CCDC74A: variants seen among roughly 807,000 people sequenced by gnomAD.
CCDC74A encodes the protein coiled-coil domain-containing protein 74A.
In CCDC74A, 38 loss-of-function variants were observed where a neutral mutation model predicts 37.6. That is an observed-to-expected ratio of 1.01 (90% CI 0.78 to 1.33). The LOEUF is 1.33. Ranked by LOEUF, CCDC74A falls within the 40% of genes most tolerant of loss-of-function variation. The pLI, the probability that CCDC74A is intolerant of heterozygous loss-of-function variation, is 0.00. For synonymous variants in CCDC74A, 134 were observed against 165.2 expected (o/e 0.81, Z 1.45); for missense variants, 340 against 403.4 (o/e 0.84, Z 1.35).
chr2:131,532,022 C>A (rs1276857257), intron 4 of CCDC74A, among the ~76,000 whole-genome samples: 2 of 150,330 alleles, frequency 1.3e-5, no homozygotes, highest in Non-Finnish European at 3.0e-5. Context: ...GGGGGTCCTG[C>A]AGAGTACCTG....
In CCDC74A at chr2:131,531,414, G is replaced by C. The variant is rs376303287; in HGVS notation, c.347-250G>C. Among the ~76,000 whole-genome samples, 132 of 151,548 alleles carry C rather than the reference G, an allele frequency of 8.7e-4. 1 individual carries two copies. In the East Asian group the frequency reaches 0.024, roughly 27 times the overall value. On this transcript the variant is annotated intron_variant, in intron 3 of 7. Transcript: ENST00000409856. Reference sequence around the variant, plus strand: ...TCTCATGCAGTTTCATTTTACCCAAGATGGGGCCAGCTTCCACTATGTTGA... The same window carrying C: ...TCTCATGCAGTTTCATTTTACCCAACATGGGGCCAGCTTCCACTATGTTGA...
In CCDC74A at chr2:131,532,925, C is replaced by G. The variant is rs368395160; in HGVS notation, c.740C>G (p.Ala247Gly). The G allele has an allele frequency of 1.2e-6, 2 of 1,613,728 alleles. No individual in the cohort carries two copies. Among genetic ancestry groups the G allele is most frequent in the Non-Finnish European group, 8.5e-7 (1 of 1,179,730 alleles). Residue 247 changes from alanine to glycine, a missense_variant, in exon 6 of 8, where the codon GCT (alanine) becomes GGT (glycine). Ala to Gly is a moderately conservative substitution (Grantham distance 60). This residue lies in a region of CCDC74A where 185 missense variants were observed against 231.5 expected (regional missense o/e 0.80). Coordinates refer to ENST00000409856, the MANE Select transcript of CCDC74A (RefSeq NM_001258306.3). ...SQRPQAAPEEASFPRDQEATH... is the reference protein window; with the variant it reads ...SQRPQAAPEEGSFPRDQEATH... ...AGGCCCCAGGCAGCCCCGGAGGAAGCTAGCTTTCCCAGGTGAGTGCCTGGT... is the reference window on the plus strand; with the variant it reads ...AGGCCCCAGGCAGCCCCGGAGGAAGGTAGCTTTCCCAGGTGAGTGCCTGGT...
At chr2:131,525,965 G>A (rs534957656), upstream of CCDC74A, among the ~76,000 whole-genome samples, 56 of 151,190 alleles carry the variant, frequency 3.7e-4, no homozygotes, top group African/African-American at 1.3e-3. Flanking sequence ...TGATCCGCCC[G>A]CCTCGGCCTC....
In CCDC74A at chr2:131,532,745, C is replaced by T. The variant is rs149420878; in HGVS notation, c.642C>T (p.Arg214=). ...TTLRQCEVLI[R]ELWNTNLLQT... is the part of the protein sequence containing the mutation. Reference sequence around the variant, plus strand: ...TTAGGCAGTGCGAAGTGCTCATCCGCGAGCTGTGGAATACCAACCTCCTGC... The same window carrying T: ...TTAGGCAGTGCGAAGTGCTCATCCGTGAGCTGTGGAATACCAACCTCCTGC... Residue 214 remains arginine (R), a synonymous_variant, in exon 5 of 8, where the codon CGC becomes CGT. Transcript: ENST00000409856. 1.8e-3 allele frequency: 2,959 copies of T among 1,613,632 alleles called. 39 individuals are homozygous for T. The African/African-American group carries it at 0.034, about 19-fold the overall frequency.
At chr2:131,523,772 AAGT>A (rs1434264639), upstream of CCDC74A, among the ~76,000 whole-genome samples, 4 of 152,192 alleles carry the variant, frequency 2.6e-5, no homozygotes, top group African/African-American at 9.7e-5. Flanking sequence ...TTAAGAGACA[AAGT>A]AGTGGAGTAT....
chr2:131,525,907 A>G (rs530988799), upstream of CCDC74A, among the ~76,000 whole-genome samples: 17 of 150,640 alleles, frequency 1.1e-4, no homozygotes, highest in African/African-American at 3.7e-4. Context: ...TTTAGTAGAG[A>G]TGGGGTTTCA....
chr2:131,523,553 G>A (rs1449661130), upstream of CCDC74A, among the ~76,000 whole-genome samples: 2 of 152,082 alleles, frequency 1.3e-5, no homozygotes, highest in Non-Finnish European at 2.9e-5. Flanking sequence ...CTTGAACCTG[G>A]GATGTAGAGG....
At chr2:131,526,144 T>C (rs1680308807), upstream of CCDC74A, among the ~76,000 whole-genome samples, 1 of 141,288 alleles carries the variant, frequency 7.1e-6, no homozygotes, top group Non-Finnish European at 1.5e-5. Flanking sequence ...TTCTTTTTTT[T>C]CCTTTTTTTT....
chr2:131,522,609 G>A, the CCDC74A span, among the ~76,000 whole-genome samples: 6 of 152,152 alleles, frequency 3.9e-5, no homozygotes, highest in African/African-American at 1.4e-4. Flanking sequence ...GCAGCTTCAG[G>A]CTGTCCTGAC....
At chr2:131,524,086 CTT>C (rs1203550590), upstream of CCDC74A, among the ~76,000 whole-genome samples, 5 of 152,200 alleles carry the variant, frequency 3.3e-5, no homozygotes, top group Non-Finnish European at 5.9e-5. Flanking sequence ...GCTTTGGTCT[CTT>C]TTTCTGCCTT....
At chr2:131,524,833 G>A (rs1680235846), upstream of CCDC74A, among the ~76,000 whole-genome samples, 1 of 149,154 alleles carries the variant, frequency 6.7e-6, no homozygotes, top group South Asian at 2.1e-4. Flanking sequence ...GGCTGAGGGA[G>A]GAAGAGAGCC....
chr2:131,524,886 CAAAA>C (rs57589680), upstream of CCDC74A, among the ~76,000 whole-genome samples: 1,317 of 98,218 alleles, frequency 0.013, 11 homozygotes, highest in East Asian at 0.034. Context: ...CATAGTAAGA[CAAAA>C]AAAAAAAAAA....
chr2:131,531,208 G>C (rs1455043655), intron 3 of CCDC74A, among the ~76,000 whole-genome samples: 1 of 152,170 alleles, frequency 6.6e-6, no homozygotes, highest in Non-Finnish European at 1.5e-5. Context: ...TGCCCACGGA[G>C]CCCTGGGCTC....
At position 131,527,913 on chromosome 2, in the gene CCDC74A, C is replaced by A. The variant is rs1680443954; in HGVS notation, c.-58C>A. On this transcript the variant is annotated 5_prime_UTR_variant, in exon 1 of 8. Coordinates refer to ENST00000409856, the MANE Select transcript of CCDC74A (RefSeq NM_001258306.3). ...ATGGTGACGGGGCGCCAGGCTAGGG[C>A]GGCCTGGCCACTGAGCCGGGGTGCA... The A allele has an allele frequency of 4.3e-6, 6 of 1,407,294 alleles. No individual in the cohort carries two copies. The highest frequency in any genetic ancestry group is 5.6e-6 in the Non-Finnish European group (6 of 1,079,410). 87.2% of individuals were successfully genotyped at this position (1,407,294 alleles called of 1,614,324 possible).
chr2:131,533,651 G>C lies in CCDC74A; in HGVS notation c.*253G>C, dbSNP rs926297902. 2.3e-5 allele frequency: 12 copies of C among 526,040 alleles called. No individual in the cohort carries two copies. The highest frequency in any genetic ancestry group is 2.1e-4 in the African/African-American group (11 of 52,192). 32.6% of individuals were successfully genotyped at this position (526,040 alleles called of 1,614,324 possible). ...CTTACCTGTTGAAACTGAAAATAAAGCTTGTTTATTTCCAAGTTGTGTGCC... is the reference window on the plus strand; with the variant it reads ...CTTACCTGTTGAAACTGAAAATAAACCTTGTTTATTTCCAAGTTGTGTGCC... On this transcript the variant is annotated 3_prime_UTR_variant, in exon 8 of 8. Transcript: ENST00000409856.
intron 4 of CCDC74A, among the ~76,000 whole-genome samples, 178 bp downstream of exon 4, chr2:131,531,980 C>T (rs1335319364): frequency 6.7e-6 from 1 of 149,206 alleles, no homozygotes; most frequent in East Asian, 1.9e-4. Flanking sequence ...ACGCTCTACC[C>T]ATCGGTGGGC....
Position 131,533,434 on chromosome 2 carries a change from C to A in CCDC74A, c.*36C>A. On this transcript the variant is annotated 3_prime_UTR_variant, in exon 8 of 8. Coordinates refer to ENST00000409856, the MANE Select transcript of CCDC74A (RefSeq NM_001258306.3). ...TCTGGTCAGTGCCAGGCCCACCAACCTGCAGCTGGAGACTGGCTCTCTATA... is the reference window on the plus strand; with the variant it reads ...TCTGGTCAGTGCCAGGCCCACCAACATGCAGCTGGAGACTGGCTCTCTATA... 1.9e-6 allele frequency: 3 copies of A among 1,609,636 alleles called. No homozygotes were observed. Among genetic ancestry groups the A allele is most frequent in the Non-Finnish European group, 2.5e-6 (3 of 1,177,324 alleles).
chr2:131,532,964 A>T, intron 6 of CCDC74A, 27 bp downstream of exon 6: 1 of 1,613,926 alleles, frequency 6.2e-7, no homozygotes, highest in Non-Finnish European at 8.5e-7. Context: ...CCCCTGCCCC[A>T]TCCCTGGGGT....
upstream of CCDC74A, among the ~76,000 whole-genome samples, chr2:131,526,451 C>T (rs960779392): frequency 2.6e-5 from 4 of 152,166 alleles, no homozygotes; most frequent in Admixed American, 6.6e-5. Context: ...CTGGCCTTCA[C>T]ATTTTCTTTA....
Sources: allele counts gnomAD v4.1 joint callset (sites outside exome capture counted in the v4.1 genomes callset), GRCh38; gene constraint gnomAD v4.1.1; regional missense constraint gnomAD v4.1.1; transcripts MANE v1.5; gene names NCBI Gene and HGNC (gene_info 2026-07-23, HGNC 2026-07-21).